Variants in RNF121 observed in about 807,000 individuals in gnomAD.
RNF121 encodes ring finger protein 121.
RNF121 carries 21 observed loss-of-function variants against 46.5 expected under a neutral mutation model. The observed-to-expected ratio is 0.45, with a 90% CI of 0.32 to 0.65. The LOEUF (loss-of-function observed/expected upper bound fraction) is 0.65, where lower values mean the gene tolerates loss of function less well. RNF121 is among the 30% of genes least tolerant of loss of function. The pLI is 0.04. For synonymous variants in RNF121, 139 were observed against 144.7 expected, an observed-to-expected ratio of 0.96 and a Z score of 0.28; for missense variants, 346 against 416.0, an observed-to-expected ratio of 0.83 and a Z score of 1.46.
At chr11:71,967,194 A>G (rs1277072145) in intron 3 of RNF121, among the ~76,000 whole-genome samples, 1 of 151,090 alleles carries the variant, frequency 6.6e-6, no homozygotes, top group African/African-American at 2.4e-5. Context: ...TTTAAATAAC[A>G]TGTTTATACT....
chr11:71,957,055 TAAAG>T (rs894674520), intron 1 of RNF121, among the ~76,000 whole-genome samples, 168 bp from the exon 2 acceptor site: 1 of 152,204 alleles, frequency 6.6e-6, no homozygotes, highest in Non-Finnish European at 1.5e-5. Flanking sequence ...ACTAAGCTGT[TAAAG>T]AAGGGAGAGA....
intron 1 of RNF121, among the ~76,000 whole-genome samples, chr11:71,948,251 C>T (rs184409097): frequency 1.0e-3 from 152 of 152,210 alleles, no homozygotes; most frequent in Middle Eastern, 6.8e-3. Context: ...TGCGGTGGCT[C>T]ACGCCTGTAA....
At position 71,965,888 on chromosome 11, in the gene RNF121, A is replaced by G. The variant is rs368350624; in HGVS notation, c.243+4997A>G. The stretch of plus-strand genomic sequence containing the variant: ...ATAGTCAGTATTTTTAATCTTTGTC[A>G]GTGTGATAAGGTGAAAATACCTGAT... On this transcript the variant is annotated intron_variant, in intron 3 of 8. Coordinates refer to ENST00000361756, the MANE Select transcript of RNF121 (RefSeq NM_018320.5). Among the ~76,000 whole-genome samples the G allele has an allele frequency of 1.8e-4, 28 of 152,340 alleles. No homozygotes were observed. The East Asian group carries it at 3.5e-3, about 19-fold the overall frequency.
At chr11:71,941,749 G>A (rs1953573171) in intron 1 of RNF121, among the ~76,000 whole-genome samples, 1 of 152,178 alleles carries the variant, frequency 6.6e-6, no homozygotes, top group East Asian at 1.9e-4. Context: ...GGAGAAGCAA[G>A]TACAAATTAA....
At chr11:71,990,557 C>T (rs1013980453) in intron 5 of RNF121, 40 bp from the exon 6 acceptor site, 1 of 1,608,844 alleles carries the variant, frequency 6.2e-7, no homozygotes, top group South Asian at 1.1e-5. Context: ...GAAGATATGT[C>T]TCAGGGTGGG....
In RNF121 at chr11:71,994,787, G is replaced by A. The variant is rs1954939563; in HGVS notation, c.696G>A (p.Gln232=). 1 of 1,614,088 alleles carries A rather than the reference G, an allele frequency of 6.2e-7. No homozygotes were observed. Among genetic ancestry groups the A allele is most frequent in the Non-Finnish European group, 8.5e-7 (1 of 1,180,038 alleles). The part of the protein sequence containing the change: ...SDSVCAVCGQ[Q]IFVDVSEEGI... ...GTGTGTGTGCTGTGTGTGGGCAGCA[G>A]ATCTTTGTGGACGTCAGTGAAGAGG... The change falls in exon 7 of 9, where the codon CAG becomes CAA. Residue 232 remains glutamine, a synonymous_variant. Coordinates refer to ENST00000361756, the MANE Select transcript of RNF121 (RefSeq NM_018320.5).
intron 3 of RNF121, among the ~76,000 whole-genome samples, chr11:71,978,816 T>C (rs535303762): frequency 6.6e-6 from 1 of 152,366 alleles, no homozygotes; most frequent in South Asian, 2.1e-4. Context: ...TACCATAGTT[T>C]AGAGAACTGA....
intron 6 of RNF121, among the ~76,000 whole-genome samples, chr11:71,993,851 T>C (rs2134221861): frequency 6.6e-6 from 1 of 151,452 alleles, no homozygotes; most frequent in African/African-American, 2.4e-5. Context: ...CTTTTTTTTT[T>C]TTTTTTTGAG....
At chr11:71,946,767 C>CA (rs372075971) in intron 1 of RNF121, among the ~76,000 whole-genome samples, 370 of 150,886 alleles carry the variant, frequency 2.5e-3, no homozygotes, top group Middle Eastern at 0.01. Context: ...GGCTGGAGTG[C>CA]AGTGGTGCAG....
chr11:71,949,631 G>A (rs531519793), intron 1 of RNF121, among the ~76,000 whole-genome samples: 2 of 152,122 alleles, frequency 1.3e-5, no homozygotes, highest in African/African-American at 2.4e-5. Context: ...CAGAAGAATC[G>A]CTTGAACCCA....
At chr11:71,942,123 C>T (rs1410056830) in intron 1 of RNF121, among the ~76,000 whole-genome samples, 9 of 151,598 alleles carry the variant, frequency 5.9e-5, no homozygotes, top group Admixed American at 5.3e-4. Flanking sequence ...TTATTAGAGA[C>T]GGGGTTTCAC....
intron 3 of RNF121, among the ~76,000 whole-genome samples, chr11:71,977,874 C>T (rs1013117525): frequency 3.9e-5 from 6 of 152,192 alleles, no homozygotes; most frequent in African/African-American, 1.4e-4. Context: ...ATGCTTTCCA[C>T]AGCATCAGGC....
intron 1 of RNF121, among the ~76,000 whole-genome samples, chr11:71,935,846 CTT>C (rs994241423): frequency 0.015 from 1,703 of 114,558 alleles, 22 homozygotes; most frequent in African/African-American, 0.051. Flanking sequence ...TATTCTTTTT[CTT>C]TTTTTTTTTT....
At chr11:71,996,040 A>G (rs1266063186) in intron 8 of RNF121, among the ~76,000 whole-genome samples, 155 bp from the exon 9 acceptor site, 2 of 152,132 alleles carry the variant, frequency 1.3e-5, no homozygotes, top group Non-Finnish European at 2.9e-5. Flanking sequence ...CTGCCTGAGT[A>G]GGAAGTGAGG....
intron 4 of RNF121, among the ~76,000 whole-genome samples, chr11:71,986,538 C>T (rs555643340): frequency 2.3e-3 from 352 of 151,974 alleles, no homozygotes; most frequent in Middle Eastern, 6.8e-3. Flanking sequence ...GAGGCTGAGG[C>T]GAGTGGATCA....
At chr11:71,957,777 A>G (rs921117111) in intron 2 of RNF121, among the ~76,000 whole-genome samples, 8 of 152,164 alleles carry the variant, frequency 5.3e-5, no homozygotes, top group Non-Finnish European at 1.2e-4. Flanking sequence ...CAACTCTGCA[A>G]CTAACTTGTT....
intron 1 of RNF121, among the ~76,000 whole-genome samples, chr11:71,955,274 T>G (rs989101892): frequency 6.6e-6 from 1 of 152,144 alleles, no homozygotes; most frequent in Non-Finnish European, 1.5e-5. Flanking sequence ...TAAGATAACA[T>G]GAGACTGAAT....
intron 1 of RNF121, among the ~76,000 whole-genome samples, chr11:71,942,853 G>C (rs79366031): frequency 0.032 from 4,814 of 151,134 alleles, 74 homozygotes; most frequent in Middle Eastern, 0.072. Flanking sequence ...TCACAGTTCT[G>C]GAGGCTGGGA....
chr11:71,979,966 A>G (rs1253690281), intron 3 of RNF121, among the ~76,000 whole-genome samples: 1 of 152,132 alleles, frequency 6.6e-6, no homozygotes, highest in East Asian at 1.9e-4. Flanking sequence ...TCCATATGCC[A>G]CCCTTTTAGT....
Sources: allele counts gnomAD v4.1 joint callset (sites outside exome capture counted in the v4.1 genomes callset), GRCh38; gene constraint gnomAD v4.1.1; transcripts MANE v1.5; gene names NCBI Gene and HGNC (gene_info 2026-07-23, HGNC 2026-07-21).